Variants in LRRK1 observed in about 807,000 individuals in gnomAD.
The protein encoded by LRRK1 is leucine-rich repeat serine/threonine-protein kinase 1.
In LRRK1, 113 loss-of-function variants were observed where a neutral mutation model predicts 209.1. That is an observed-to-expected ratio of 0.54 (90% CI 0.46 to 0.63). LRRK1 has a LOEUF of 0.63. Ranked by LOEUF, LRRK1 falls within the 30% of genes least tolerant of loss-of-function variation. The pLI, the probability that LRRK1 is intolerant of heterozygous loss-of-function variation, is 0.00. For synonymous variants in LRRK1, 1,144 were observed against 1,099.7 expected (o/e 1.04, Z -0.80); for missense variants, 2,284 against 2,632.2 (o/e 0.87, Z 2.89).
intron 2 of LRRK1, among the ~76,000 whole-genome samples, chr15:100,942,136 G>C (rs1195076852): frequency 6.6e-6 from 1 of 152,196 alleles, no homozygotes; most frequent in African/African-American, 2.4e-5. Context: ...TCATCTTCCA[G>C]CGTCTCCTGG....
At chr15:101,044,215 A>G (rs2034925488) in intron 20 of LRRK1, 1 of 152,252 alleles carries the variant, frequency 6.6e-6, no homozygotes, top group Non-Finnish European at 1.5e-5. Context: ...AGCCCCTCAG[A>G]AAATCTCCAT....
intron 10 of LRRK1, among the ~76,000 whole-genome samples, chr15:101,013,754 G>A (rs546808945): frequency 6.6e-5 from 10 of 152,306 alleles, no homozygotes; most frequent in South Asian, 2.1e-4. Flanking sequence ...TACCCACGAG[G>A]GGCACCCCAG....
At chr15:100,950,832 G>T (rs567888182) in intron 2 of LRRK1, among the ~76,000 whole-genome samples, 1 of 152,240 alleles carries the variant, frequency 6.6e-6, no homozygotes, top group Admixed American at 6.5e-5. Context: ...GGCCGGGCGC[G>T]GTGGCTCGCG....
chr15:100,949,539 T>G lies in LRRK1; in HGVS notation c.98-24265T>G, dbSNP rs1043181180. Among the ~76,000 whole-genome samples the G allele has an allele frequency of 4.6e-5, 7 of 152,136 alleles. No individual in the cohort carries two copies. The South Asian group carries it at 6.2e-4, about 13-fold the overall frequency. ...CCCAATTCAGTCTATGAAACCAGTA[T>G]TACCCTGAAGCCAAAACCAGAAAAA... On this transcript the variant is annotated intron_variant, in intron 2 of 33. Transcript: ENST00000388948.
Position 100,970,373 on chromosome 15 carries a change from G to A in LRRK1, c.98-3431G>A, listed in dbSNP as rs547644088. Among the ~76,000 whole-genome samples, 3 of 152,326 alleles carry A rather than the reference G, an allele frequency of 2.0e-5. No individual in the cohort carries two copies. The East Asian group carries it at 5.8e-4, about 29-fold the overall frequency. ...TTTTATTAAATGAGGGTGTCCAGTT[G>A]TTCCAGCACTTTTTACTGAAAAGAC... On this transcript the variant is annotated intron_variant, in intron 2 of 33. Transcript: ENST00000388948.
chr15:101,014,872 G>GC (rs1242308680), intron 11 of LRRK1, among the ~76,000 whole-genome samples: 1 of 152,238 alleles, frequency 6.6e-6, no homozygotes, highest in Non-Finnish European at 1.5e-5. Context: ...GGGGGAAACA[G>GC]CCCCTAATGG....
intron 2 of LRRK1, among the ~76,000 whole-genome samples, chr15:100,941,108 CTG>C (rs1310439247): frequency 6.6e-6 from 1 of 151,924 alleles, no homozygotes. Flanking sequence ...TAAATATTTT[CTG>C]TGTGTGTGTG....
At chr15:101,017,009 G>A (rs1461949389) in intron 12 of LRRK1, among the ~76,000 whole-genome samples, 1 of 152,212 alleles carries the variant, frequency 6.6e-6, no homozygotes, top group African/African-American at 2.4e-5. Flanking sequence ...GGGAAGGTAT[G>A]GAGCTGTCCC....
chr15:101,008,721 C>A, intron 6 of LRRK1, 116 bp from the exon 7 acceptor site: 1 of 790,436 alleles, frequency 1.3e-6, no homozygotes, highest in Non-Finnish European at 2.1e-6. Context: ...CCTCTTGGGA[C>A]CCGGGCTGGA....
Position 101,027,493 on chromosome 15 carries a change from G to C in LRRK1, c.2526+112G>C. Reference sequence around the variant, plus strand: ...CATGTCTGTGTGGCAAGGCTCGGTGGTTCCTGGTGAGGGAGGGTCAGGATG... The same window carrying C: ...CATGTCTGTGTGGCAAGGCTCGGTGCTTCCTGGTGAGGGAGGGTCAGGATG... On this transcript the variant is annotated intron_variant, in intron 18 of 33. Transcript: ENST00000388948. This position sits in a 1 kb window ranked among gnomAD's most constrained non-coding sequence, Gnocchi z 5.1. 2.0e-6 allele frequency: 3 copies of C among 1,519,782 alleles called. No individual in the cohort carries two copies. The highest frequency in any genetic ancestry group is 2.7e-6 in the Non-Finnish European group (3 of 1,127,630). 94.1% of individuals were successfully genotyped at this position (1,519,782 alleles called of 1,614,324 possible).
At chr15:101,045,106 A>C (rs1172064038) in intron 20 of LRRK1, among the ~76,000 whole-genome samples, 2 of 152,224 alleles carry the variant, frequency 1.3e-5, no homozygotes, top group African/African-American at 4.8e-5. Context: ...TGTAAGTGAG[A>C]GCCGAGACTT....
At chr15:100,967,612 T>C (rs533757238) in intron 2 of LRRK1, among the ~76,000 whole-genome samples, 21 of 152,334 alleles carry the variant, frequency 1.4e-4, no homozygotes, top group African/African-American at 5.1e-4. Context: ...TGGCAAGCCA[T>C]GCATTTGGAG....
chr15:100,970,941 A>G (rs2030829308), intron 2 of LRRK1, among the ~76,000 whole-genome samples: 1 of 152,198 alleles, frequency 6.6e-6, no homozygotes, highest in Non-Finnish European at 1.5e-5. Flanking sequence ...ATACTATCAT[A>G]AACTATTTTT....
At position 100,947,042 on chromosome 15, in the gene LRRK1, T is replaced by C. The variant is rs113517758; in HGVS notation, c.97+22313T>C. Among the ~76,000 whole-genome samples the C allele has an allele frequency of 3.7e-3, 566 of 152,222 alleles. 5 individuals carry two copies. Among genetic ancestry groups the C allele is most frequent in the African/African-American group, 0.012 (496 of 41,552 alleles). Reference sequence around the variant, plus strand: ...TGGAGTGCAGTGTCACGATCTCAGCTCACTGCAACCTCCGCCTCCCAGCTT... The same window carrying C: ...TGGAGTGCAGTGTCACGATCTCAGCCCACTGCAACCTCCGCCTCCCAGCTT... On this transcript the variant is annotated intron_variant, in intron 2 of 33. Coordinates refer to ENST00000388948, the MANE Select transcript of LRRK1 (RefSeq NM_024652.6).
intron 2 of LRRK1, among the ~76,000 whole-genome samples, chr15:100,932,750 T>C (rs558892348): frequency 1.8e-4 from 27 of 152,226 alleles, no homozygotes; most frequent in Non-Finnish European, 3.7e-4. Context: ...AGAAGATGCC[T>C]GCACCTCTCT....
rs1188063868 is a variant in LRRK1, at chr15:101,077,844, GGCCTCTGA to G, written c.*9000_*9007del. 5.3e-5 allele frequency: 8 copies of G among 152,118 alleles called. No homozygotes were observed. Among genetic ancestry groups the G allele is most frequent in the African/African-American group, 1.9e-4 (8 of 41,372 alleles). 9.4% of individuals were successfully genotyped at this position (152,118 alleles called of 1,614,324 possible). Reference sequence around the variant, plus strand: ...TTAATATAAGAAGGCAGGAATGTCAGGCCTCTGAGCCCAAGCTAAGCCATCGCATCCCC... The same window carrying G: ...TTAATATAAGAAGGCAGGAATGTCAGGCCCAAGCTAAGCCATCGCATCCCC... On this transcript the variant is annotated 3_prime_UTR_variant, in exon 34 of 34. Coordinates refer to ENST00000388948, the MANE Select transcript of LRRK1 (RefSeq NM_024652.6).
intron 2 of LRRK1, among the ~76,000 whole-genome samples, chr15:100,967,547 GCAGGATTTTCCAAAGGGAGCT>G (rs368715997): frequency 0.7 from 106,594 of 151,766 alleles, 37,780 homozygotes; most frequent in Middle Eastern, 0.76. Flanking sequence ...TTTCCTGGGA[GCAGGATTTTCCAAAGGGAGCT>G]CTTTGGTGGC....
intron 2 of LRRK1, 142 bp from the exon 3 acceptor site, chr15:100,973,662 C>A: frequency 1.1e-6 from 1 of 871,938 alleles, no homozygotes; most frequent in Non-Finnish European, 1.5e-6. Flanking sequence ...CAGGGAGCGT[C>A]GCGGGGCCAC....
At chr15:100,968,304 TG>T (rs760963989) in intron 2 of LRRK1, among the ~76,000 whole-genome samples, 1 of 152,242 alleles carries the variant, frequency 6.6e-6, no homozygotes, top group Non-Finnish European at 1.5e-5. Context: ...ATAAGGCTGC[TG>T]TGAATATTGT....
Sources: allele counts gnomAD v4.1 joint callset (sites outside exome capture counted in the v4.1 genomes callset), GRCh38; gene constraint gnomAD v4.1.1; non-coding constraint Gnocchi (gnomAD v3.1); transcripts MANE v1.5; gene names NCBI Gene and HGNC (gene_info 2026-07-23, HGNC 2026-07-21).